SYNE3: variants seen among roughly 807,000 people sequenced by gnomAD.
SYNE3 encodes the protein spectrin repeat containing nuclear envelope family member 3, also known as nesprin-3.
A neutral mutation model predicts 111.2 loss-of-function variants in SYNE3; 100 were observed. The observed-to-expected ratio is 0.90, with a 90% CI of 0.77 to 1.06. The LOEUF (loss-of-function observed/expected upper bound fraction) is 1.06. SYNE3 is among the 50% of genes least tolerant of loss of function. SYNE3 has a pLI of 0.00. For synonymous variants in SYNE3, 547 were observed against 533.9 expected (o/e 1.02, Z -0.34); for missense variants, 1,160 against 1,240.3 (o/e 0.94, Z 0.97).
chr14:95,468,487 T>C (rs1246207371), intron 2 of SYNE3, among the ~76,000 whole-genome samples: 1 of 152,202 alleles, frequency 6.6e-6, no homozygotes, highest in East Asian at 1.9e-4. Context: ...GCCTTGCTCC[T>C]GAGGCTGCTC....
chr14:95,471,664 G>C (rs182658238), intron 2 of SYNE3, among the ~76,000 whole-genome samples: 6 of 152,360 alleles, frequency 3.9e-5, no homozygotes, highest in African/African-American at 1.2e-4. Flanking sequence ...TCACTGCGCT[G>C]ATGATTACAC....
chr14:95,427,111 G>T (rs1885475781), intron 17 of SYNE3, among the ~76,000 whole-genome samples: 1 of 152,002 alleles, frequency 6.6e-6, no homozygotes. Context: ...ACAGAGATAG[G>T]AGCTGAGGGG....
At chr14:95,447,813 G>A (rs1302755511) in intron 8 of SYNE3, among the ~76,000 whole-genome samples, 1 of 152,182 alleles carries the variant, frequency 6.6e-6, no homozygotes, top group Non-Finnish European at 1.5e-5. Context: ...GGGCAGATCT[G>A]AGCCTCAGTT....
At chr14:95,419,230 A>C (rs117965416) in intron 17 of SYNE3, among the ~76,000 whole-genome samples, 13 of 152,280 alleles carry the variant, frequency 8.5e-5, no homozygotes, top group Non-Finnish European at 1.9e-4. Context: ...CCCAGCTTTT[A>C]GGATCCTAGC....
At position 95,456,182 on chromosome 14, in the gene SYNE3, G is replaced by GT. The variant is rs201813418; in HGVS notation, c.790-459dup. 4.1e-3 allele frequency: 794 copies of GT among 195,354 alleles called. 8 individuals carry two copies. Among genetic ancestry groups the GT allele is most frequent in the African/African-American group, 0.017 (748 of 43,332 alleles). The allele number at this position is 195,354 out of a possible 1,614,324, so 12.1% of individuals were successfully genotyped here. On this transcript the variant is annotated intron_variant, in intron 5 of 17. Coordinates refer to ENST00000682763, the MANE Select transcript of SYNE3 (RefSeq NM_152592.6). ...TTTCTTTCTAAATAAATAATCATCA[G>GT]TTTTTTTAAAAATGAGTCCATTTAA...
intron 1 of SYNE3, among the ~76,000 whole-genome samples, chr14:95,515,878 G>A (rs1263315200): frequency 1.3e-5 from 2 of 152,184 alleles, no homozygotes; most frequent in African/African-American, 2.4e-5. Context: ...GGCGGTGTAG[G>A]ACACTGCTCC....
At chr14:95,441,748 G>A (rs1407744885) in intron 11 of SYNE3, among the ~76,000 whole-genome samples, 1 of 152,182 alleles carries the variant, frequency 6.6e-6, no homozygotes, top group African/African-American at 2.4e-5. Context: ...CTAGTTTATT[G>A]AATGTAATTA....
chr14:95,453,212 T>C (rs1887199425), intron 6 of SYNE3, among the ~76,000 whole-genome samples: 1 of 152,152 alleles, frequency 6.6e-6, no homozygotes, highest in African/African-American at 2.4e-5. Context: ...TCGGGTGATA[T>C]TGACAAGGCA....
chr14:95,482,831 A>T (rs1253834159), intron 1 of SYNE3, among the ~76,000 whole-genome samples: 1 of 152,172 alleles, frequency 6.6e-6, no homozygotes, highest in Non-Finnish European at 1.5e-5. Flanking sequence ...CATTCACATT[A>T]TCCCTACTTT....
At chr14:95,434,365 T>C (rs1885967380) in intron 15 of SYNE3, among the ~76,000 whole-genome samples, 1 of 152,152 alleles carries the variant, frequency 6.6e-6, no homozygotes, top group Admixed American at 6.5e-5. Flanking sequence ...ATCTTTGCTT[T>C]TGGCAGCCTC....
intron 5 of SYNE3, chr14:95,456,001 T>C (rs1338835382): frequency 2.2e-6 from 1 of 446,638 alleles, no homozygotes; most frequent in Admixed American, 3.7e-5. Context: ...GAACACTTTC[T>C]GACATTTGTT....
intron 6 of SYNE3, among the ~76,000 whole-genome samples, chr14:95,452,641 C>T (rs1887165470): frequency 1.3e-5 from 2 of 152,204 alleles, no homozygotes; most frequent in African/African-American, 4.8e-5. Context: ...CCAGCATTGC[C>T]ATGGCAAACA....
At position 95,410,144 on chromosome 14, in the gene SYNE3, G is replaced by A. The variant is rs1903396939; in HGVS notation, c.*7682C>T. 6.5e-6 allele frequency: 1 copy of A among 152,810 alleles called. No individual in the cohort carries two copies. The highest frequency in any genetic ancestry group is 2.4e-5 in the African/African-American group (1 of 41,460). The allele number at this position is 152,810 out of a possible 1,614,324, so 9.5% of individuals were successfully genotyped here. On this transcript the variant is annotated 3_prime_UTR_variant, in exon 18 of 18. Coordinates refer to ENST00000682763, the MANE Select transcript of SYNE3 (RefSeq NM_152592.6). ...GGTTCCCAAGCCTTGCAGGAAGAAT[G>A]TCTACAATGCCTTTGGGTAGACCTG...
chr14:95,443,095 G>T, intron 11 of SYNE3, 60 bp downstream of exon 11: 2 of 1,599,486 alleles, frequency 1.3e-6, no homozygotes, highest in African/African-American at 2.7e-5. Flanking sequence ...GGCCCCAGGC[G>T]TGTTGGATGA....
intron 4 of SYNE3, among the ~76,000 whole-genome samples, chr14:95,465,341 G>GGTGGATGT (rs11282260): frequency 1.3e-5 from 2 of 151,342 alleles, no homozygotes; most frequent in East Asian, 1.9e-4. Context: ...GGTAGATAAT[G>GGTGGATGT]GTGAGTGGGT....
intron 17 of SYNE3, among the ~76,000 whole-genome samples, chr14:95,420,401 G>T (rs908945953): frequency 2.6e-5 from 4 of 152,154 alleles, no homozygotes; most frequent in Admixed American, 2.6e-4. Context: ...CTGTAATTAA[G>T]GTTCTCCCAA....
At position 95,443,202 on chromosome 14, in the gene SYNE3, T is replaced by C; in HGVS notation, c.1864A>G (p.Met622Val). 1 of 1,614,174 alleles carries C rather than the reference T, an allele frequency of 6.2e-7. No homozygotes were observed. Among genetic ancestry groups the C allele is most frequent in the East Asian group, 2.2e-5 (1 of 44,886 alleles). Residue 622 changes from methionine (M) to valine (V), a missense_variant, in exon 11 of 18, where the codon ATG becomes GTG. Met to Val is a conservative substitution (Grantham distance 21, BLOSUM62 1). Coordinates refer to ENST00000682763, the MANE Select transcript of SYNE3 (RefSeq NM_152592.6). ...VQENPNHQHK[M>V]DQLSSDFQAL... is the part of the protein sequence containing the mutation. ...TGGAAGTCGGAGGAAAGCTGGTCCA[T>C]TTTGTGCTGGTGGTTGGGGTTCTCC...
At position 95,429,270 on chromosome 14, in the gene SYNE3, A is replaced by T. The variant is rs1379286751; in HGVS notation, c.2727+2809T>A. On this transcript the variant is annotated intron_variant, in intron 17 of 17. Coordinates refer to ENST00000682763, the MANE Select transcript of SYNE3 (RefSeq NM_152592.6). The stretch of plus-strand genomic sequence containing the variant: ...ACCTACTATGTGCCATGGTTACAAC[A>T]GGAACTTTGCTACCAGGAGCTGAGT... Among the ~76,000 whole-genome samples, 3 of 152,260 alleles carry T rather than the reference A, an allele frequency of 2.0e-5. No individual in the cohort carries two copies. In the East Asian group the frequency reaches 5.8e-4, roughly 29 times the overall value.
At chr14:95,426,036 G>T (rs909020940) in intron 17 of SYNE3, among the ~76,000 whole-genome samples, 3 of 152,220 alleles carry the variant, frequency 2.0e-5, no homozygotes, top group Non-Finnish European at 1.5e-5. Flanking sequence ...TACCTCACTG[G>T]GGTGAATTTC....
Sources: gnomAD v4.1 joint callset for allele counts (sites outside exome capture counted in the v4.1 genomes callset) on GRCh38, gnomAD v4.1.1 for gene constraint, MANE v1.5 for transcripts, NCBI Gene and HGNC (gene_info 2026-07-23, HGNC 2026-07-21) for gene names.